STX2: variants seen among roughly 807,000 people sequenced by gnomAD.
The protein encoded by STX2 is syntaxin-2.
A neutral mutation model predicts 40.6 loss-of-function variants in STX2; 27 were observed. The ratio of observed to expected loss-of-function variants is 0.66; its 90% CI spans 0.49 to 0.92. The LOEUF is 0.92. STX2 is among the 40% of genes least tolerant of loss of function. The pLI is 0.00. For missense variants in STX2, 328 were observed against 366.1 expected (o/e 0.90, Z 0.85); for synonymous variants, 123 against 119.1 (o/e 1.03, Z -0.22).
chr12:130,802,346 C>T (rs1390859835), intron 6 of STX2, among the ~76,000 whole-genome samples: 2 of 152,260 alleles, frequency 1.3e-5, no homozygotes, highest in East Asian at 1.9e-4. Context: ...TACACGCGTG[C>T]GTCACCACGC....
chr12:130,805,919 A>G (rs1276283087), intron 6 of STX2, among the ~76,000 whole-genome samples: 1 of 152,192 alleles, frequency 6.6e-6, no homozygotes, highest in East Asian at 1.9e-4. Flanking sequence ...AGGACACTGG[A>G]GTTGGCAGAC....
intron 6 of STX2, among the ~76,000 whole-genome samples, chr12:130,801,884 G>A (rs936339281): frequency 6.6e-6 from 1 of 152,190 alleles, no homozygotes; most frequent in Admixed American, 6.5e-5. Context: ...AGAGTCAGAT[G>A]CCTGAACACT....
At chr12:130,831,194 T>C (rs2136353610) in intron 1 of STX2, among the ~76,000 whole-genome samples, 1 of 152,360 alleles carries the variant, frequency 6.6e-6, no homozygotes, top group East Asian at 1.9e-4. Flanking sequence ...TTCTTCTGCC[T>C]GTTGTTCACA....
intron 3 of STX2, among the ~76,000 whole-genome samples, chr12:130,821,000 T>A (rs941011618): frequency 4.6e-5 from 7 of 152,118 alleles, no homozygotes; most frequent in African/African-American, 1.7e-4. Context: ...TCTCTATAGC[T>A]CCCACGCCCC....
chr12:130,801,189 C>G lies in STX2; in HGVS notation c.639G>C (p.Glu213Asp), dbSNP rs747537178. The G allele has an allele frequency of 2.0e-5, 33 of 1,613,722 alleles. No homozygotes were observed. The highest frequency in any genetic ancestry group is 2.7e-5 in the Non-Finnish European group (32 of 1,179,818). The change falls in exon 8 of 11, where the codon GAG becomes GAC. Residue 213 changes from glutamate to aspartate, a missense_variant. Physicochemically the swap from Glu to Asp is conservative, Grantham distance 45 (BLOSUM62 2). Coordinates refer to ENST00000392373, the MANE Select transcript of STX2 (RefSeq NM_194356.4). ...CAAACATAGCCATGTCCATGAACAT[C>G]TCATGCAACTCTCGGATGCTGGTCT... ...KLETSIRELH[E>D]MFMDMAMFVE... is the part of the protein sequence containing the mutation.
At chr12:130,811,697 G>A (rs1381735959) in intron 4 of STX2, among the ~76,000 whole-genome samples, 2 of 151,750 alleles carry the variant, frequency 1.3e-5, no homozygotes, top group East Asian at 3.9e-4. Context: ...CCGCCACTGC[G>A]CCCAGCTAAT....
Position 130,796,236 on chromosome 12 carries a change from G to A in STX2, c.787-116C>T, listed in dbSNP as rs1206054864. On this transcript the variant is annotated intron_variant, in intron 9 of 10. Coordinates refer to ENST00000392373, the MANE Select transcript of STX2 (RefSeq NM_194356.4). ...TGGCCAGGTGTGGTGGCTCACGCCT[G>A]TAATCTCAGCACTTTGGGAGTCCGA... is the stretch of plus-strand genomic sequence containing the variant. 9.7e-6 allele frequency: 13 copies of A among 1,336,906 alleles called. No individual in the cohort carries two copies. The East Asian group carries it at 3.0e-4, about 31-fold the overall frequency. The allele number at this position is 1,336,906 out of a possible 1,614,324, so 82.8% of individuals were successfully genotyped here.
At chr12:130,822,254 T>C (rs533754748) in intron 2 of STX2, among the ~76,000 whole-genome samples, 2 of 152,168 alleles carry the variant, frequency 1.3e-5, no homozygotes, top group East Asian at 3.9e-4. Context: ...TCTTCTCTAC[T>C]AAACGTACAA....
rs1261771570 is a variant in STX2 at position 130,790,394 on chromosome 12, G to A, written c.*1629C>T. 6.6e-6 allele frequency: 1 copy of A among 152,122 alleles called. No individual in the cohort carries two copies. Among genetic ancestry groups the A allele is most frequent in the Non-Finnish European group, 1.5e-5 (1 of 68,018 alleles). The allele number at this position is 152,122 out of a possible 1,614,324, so 9.4% of individuals were successfully genotyped here. On this transcript the variant is annotated 3_prime_UTR_variant, in exon 11 of 11. Transcript: ENST00000392373. ...TCACATGCTTACACTACTACATACA[G>A]GAGTAACAAGAGTTCACGACATTTG...
intron 1 of STX2, among the ~76,000 whole-genome samples, chr12:130,828,305 G>A (rs1952404556): frequency 6.6e-6 from 1 of 151,250 alleles, no homozygotes; most frequent in Non-Finnish European, 1.5e-5. Context: ...TCGGCTCACT[G>A]CAACCTCCGC....
At position 130,807,018 on chromosome 12, in the gene STX2, G is replaced by A. The variant is rs200630891; in HGVS notation, c.427C>T (p.Arg143Trp). The change falls in exon 6 of 11, where the codon CGG becomes TGG. Residue 143 changes from arginine (R) to tryptophan (W), a missense_variant. Transcript: ENST00000392373. ...YNEAQTLFRE[R>W]SKGRIQRQLE... ...TGGCGCTGGATGCGGCCTTTGCTCCGCTCCCGAAACAGAGTCTGTGCCTCA... is the reference window on the plus strand; with the variant it reads ...TGGCGCTGGATGCGGCCTTTGCTCCACTCCCGAAACAGAGTCTGTGCCTCA... The A allele has an allele frequency of 5.6e-6, 9 of 1,614,120 alleles. No individual in the cohort carries two copies. The highest frequency in any genetic ancestry group is 5.5e-5 in the South Asian group (5 of 91,076).
chr12:130,791,981 C>T lies in STX2; in HGVS notation c.*46-4G>A, dbSNP rs754431292. The T allele has an allele frequency of 6.3e-7, 1 of 1,582,464 alleles. No individual in the cohort carries two copies. Among genetic ancestry groups the T allele is most frequent in the South Asian group, 1.1e-5 (1 of 88,512 alleles). On this transcript the variant is annotated splice_region_variant and splice_polypyrimidine_tract_variant and intron_variant, in intron 10 of 10. Transcript: ENST00000392373. ...AAATAATAATGAACATCAATTTCTG[C>T]AAGATAAAGAAAAACATTAATTTGC...
At chr12:130,812,393 TG>T (rs1195525406) in intron 4 of STX2, 5 of 452,736 alleles carry the variant, frequency 1.1e-5, no homozygotes, top group African/African-American at 4.0e-5. Context: ...ACTGTGGAGC[TG>T]GGGGGTCGGC....
At chr12:130,804,528 C>G (rs1315132996) in intron 6 of STX2, among the ~76,000 whole-genome samples, 4 of 152,136 alleles carry the variant, frequency 2.6e-5, no homozygotes, top group Non-Finnish European at 5.9e-5. Flanking sequence ...TGCACACGTT[C>G]TACCCTGAAA....
rs186101647 is a variant in STX2, at chr12:130,830,963, G to A, written c.31-3696C>T. The stretch of plus-strand genomic sequence containing the variant: ...ATTTAAATATCAACATTCCATTTCG[G>A]TTAAATGTTAACAGAAGTCTCCTTA... On this transcript the variant is annotated intron_variant, in intron 1 of 10. Transcript: ENST00000392373. 1.6e-4 allele frequency among the ~76,000 whole-genome samples: 25 copies of A among 152,294 alleles called. No homozygotes were observed. The East Asian group carries it at 4.6e-3, about 28-fold the overall frequency.
At chr12:130,806,789 G>A (rs934581865) in intron 6 of STX2, among the ~76,000 whole-genome samples, 193 bp downstream of exon 6, 12 of 152,284 alleles carry the variant, frequency 7.9e-5, no homozygotes, top group Admixed American at 5.9e-4. Flanking sequence ...AAACCCCACC[G>A]CTTAGGACTT....
Position 130,833,242 on chromosome 12 carries a change from G to A in STX2, c.30+5828C>T, listed in dbSNP as rs73459532. Among the ~76,000 whole-genome samples the A allele has an allele frequency of 4.4e-3, 674 of 151,944 alleles. 8 individuals are homozygous for A. Among genetic ancestry groups the A allele is most frequent in the African/African-American group, 0.016 (647 of 41,432 alleles). On this transcript the variant is annotated intron_variant, in intron 1 of 10. Coordinates refer to ENST00000392373, the MANE Select transcript of STX2 (RefSeq NM_194356.4). ...GGGAAAGTACACACAAATGACAAAC[G>A]TCAACAAACGGAAACAGAGACACAC... is the stretch of plus-strand genomic sequence containing the variant.
chr12:130,837,671 C>T (rs1277653308), intron 1 of STX2, among the ~76,000 whole-genome samples: 1 of 152,184 alleles, frequency 6.6e-6, no homozygotes, highest in Admixed American at 6.5e-5. Context: ...AAGTGATGCC[C>T]CCACCCTGAT....
At chr12:130,832,885 C>A (rs546264776) in intron 1 of STX2, among the ~76,000 whole-genome samples, 60 of 152,316 alleles carry the variant, frequency 3.9e-4, no homozygotes, top group African/African-American at 1.4e-3. Context: ...CCTCCCCCAG[C>A]CCTGTCCACA....
Sources: gnomAD v4.1 joint callset for allele counts (sites outside exome capture counted in the v4.1 genomes callset) on GRCh38, gnomAD v4.1.1 for gene constraint, MANE v1.5 for transcripts, NCBI Gene and HGNC (gene_info 2026-07-23, HGNC 2026-07-21) for gene names.